The following TBC1D12 variants were observed in gnomAD, a reference collection of about 807,000 sequenced individuals.
TBC1D12 encodes TBC1 domain family member 12, also known as TBC1 domain family, member 12.
In TBC1D12, 56 loss-of-function variants were observed where a neutral mutation model predicts 86.7. The observed-to-expected ratio is 0.65, with a 90% confidence interval of 0.52 to 0.81. The LOEUF (loss-of-function observed/expected upper bound fraction) is 0.81. Among genes scored for constraint, TBC1D12 ranks in the 30% least tolerant of loss-of-function variants. The pLI, the probability that TBC1D12 is intolerant of heterozygous loss-of-function variation, is 0.00. For missense variants in TBC1D12, 1,023 were observed against 1,038.8 expected, an observed-to-expected ratio of 0.98 and a Z score of 0.21; for synonymous variants, 421 against 411.7, an observed-to-expected ratio of 1.02 and a Z score of -0.27.
chr10:94,410,817 A>G (rs947902889), intron 1 of TBC1D12, among the ~76,000 whole-genome samples: 3 of 152,162 alleles, frequency 2.0e-5, no homozygotes, highest in Non-Finnish European at 4.4e-5. Flanking sequence ...TCTGCCATTA[A>G]ATAATTCTGT....
intron 2 of TBC1D12, among the ~76,000 whole-genome samples, chr10:94,458,131 G>C (rs549618297): frequency 8.8e-4 from 134 of 152,208 alleles, no homozygotes; most frequent in African/African-American, 2.5e-3. Context: ...TATTGAGAGA[G>C]GGGGCCTTTA....
intron 2 of TBC1D12, among the ~76,000 whole-genome samples, chr10:94,445,230 G>A (rs570194915): frequency 2.7e-3 from 411 of 151,904 alleles, no homozygotes; most frequent in Non-Finnish European, 4.1e-3. Flanking sequence ...GTGGTAGCAC[G>A]TGCCTGTAGT....
intron 1 of TBC1D12, among the ~76,000 whole-genome samples, chr10:94,412,222 A>G (rs545607641): frequency 2.7e-4 from 41 of 152,348 alleles, no homozygotes; most frequent in African/African-American, 8.9e-4. Context: ...AATATTTTAC[A>G]TTCTTTGTTT....
intron 11 of TBC1D12, among the ~76,000 whole-genome samples, chr10:94,523,876 G>A (rs1004043105): frequency 1.3e-5 from 2 of 152,100 alleles, no homozygotes; most frequent in Non-Finnish European, 2.9e-5. Context: ...GGCTGAGGTG[G>A]GAGGATTGCT....
At chr10:94,527,433 C>T (rs1209478454) in intron 11 of TBC1D12, among the ~76,000 whole-genome samples, 2 of 150,118 alleles carry the variant, frequency 1.3e-5, no homozygotes, top group Admixed American at 1.3e-4. Flanking sequence ...TTAAGTTCCT[C>T]ATAGATTTTG....
chr10:94,502,573 G>A (rs117033379), intron 6 of TBC1D12, among the ~76,000 whole-genome samples: 3,178 of 151,858 alleles, frequency 0.021, 52 homozygotes, highest in South Asian at 0.075. Flanking sequence ...CAGGCAGCCC[G>A]CATGTGGTCA....
At chr10:94,468,985 A>C (rs953951785) in intron 2 of TBC1D12, among the ~76,000 whole-genome samples, 10 of 152,232 alleles carry the variant, frequency 6.6e-5, no homozygotes, top group Admixed American at 6.5e-5. Context: ...TAAACATTGC[A>C]GAAGAAAGTA....
intron 2 of TBC1D12, among the ~76,000 whole-genome samples, chr10:94,472,927 G>T (rs998878198): frequency 1.3e-5 from 2 of 152,196 alleles, no homozygotes; most frequent in Non-Finnish European, 2.9e-5. Flanking sequence ...ATAGTAGATG[G>T]AAGGGAAGAT....
At chr10:94,420,182 C>G (rs2055055122) in intron 1 of TBC1D12, among the ~76,000 whole-genome samples, 1 of 152,070 alleles carries the variant, frequency 6.6e-6, no homozygotes, top group South Asian at 2.1e-4. Context: ...AGAAGAGGCC[C>G]TGGAGAGCTT....
At chr10:94,486,803 T>C (rs2056169326) in intron 3 of TBC1D12, among the ~76,000 whole-genome samples, 1 of 152,192 alleles carries the variant, frequency 6.6e-6, no homozygotes, top group Non-Finnish European at 1.5e-5. Context: ...ATGAAGTATT[T>C]TGTTAATATT....
intron 9 of TBC1D12, among the ~76,000 whole-genome samples, chr10:94,518,750 T>C (rs1374652371): frequency 6.6e-6 from 1 of 152,194 alleles, no homozygotes; most frequent in African/African-American, 2.4e-5. Flanking sequence ...ATAATAAATC[T>C]GAATGAGCTA....
intron 2 of TBC1D12, among the ~76,000 whole-genome samples, chr10:94,459,217 C>G (rs1478898070): frequency 6.6e-6 from 1 of 152,126 alleles, no homozygotes; most frequent in African/African-American, 2.4e-5. Flanking sequence ...AATCCTTTAG[C>G]TAGACACAAA....
At position 94,449,121 on chromosome 10, in the gene TBC1D12, G is replaced by A. The variant is rs533517401; in HGVS notation, c.1095+7102G>A. Among the ~76,000 whole-genome samples, 13 of 151,514 alleles carry A rather than the reference G, an allele frequency of 8.6e-5. No homozygotes were observed. The South Asian group carries it at 2.1e-3, about 24-fold the overall frequency. On this transcript the variant is annotated intron_variant, in intron 2 of 12. Coordinates refer to ENST00000225235, the MANE Select transcript of TBC1D12 (RefSeq NM_015188.2). Reference sequence around the variant, plus strand: ...ATTAAACGGTAGAATTTGAGGGGACGTTTTTTCATTTTATCAGAAACAGAG... The same window carrying A: ...ATTAAACGGTAGAATTTGAGGGGACATTTTTTCATTTTATCAGAAACAGAG...
intron 3 of TBC1D12, among the ~76,000 whole-genome samples, chr10:94,487,802 T>C (rs1025673623): frequency 6.6e-6 from 1 of 150,726 alleles, no homozygotes; most frequent in African/African-American, 2.4e-5. Context: ...GATCAGTTGA[T>C]CCACCCACCT....
chr10:94,478,911 T>C (rs1564967425), intron 3 of TBC1D12, among the ~76,000 whole-genome samples: 1 of 152,066 alleles, frequency 6.6e-6, no homozygotes, highest in Non-Finnish European at 1.5e-5. Context: ...GAGCGGAGAT[T>C]GTGCACTGCA....
chr10:94,522,020 C>T lies in TBC1D12; in HGVS notation c.1827C>T (p.Ile609=), dbSNP rs769861962. ...ILNLEEADAF[I]AFANLLNKPC... is the part of the protein sequence containing the mutation. ...ATTTGGAAGAGGCAGATGCCTTTAT[C>T]GCATTTGCCAATCTCCTGAATAAGC... Residue 609 remains isoleucine, a synonymous_variant, in exon 10 of 13, where the codon ATC becomes ATT. Transcript: ENST00000225235. The T allele has an allele frequency of 1.3e-5, 21 of 1,612,624 alleles. No homozygotes were observed. The highest frequency in any genetic ancestry group is 8.9e-5 in the East Asian group (4 of 44,816).
At chr10:94,494,535 C>G (rs931513321) in intron 4 of TBC1D12, among the ~76,000 whole-genome samples, 2 of 152,012 alleles carry the variant, frequency 1.3e-5, no homozygotes, top group Non-Finnish European at 2.9e-5. Context: ...AAGTATTTAT[C>G]TATTTATTAC....
chr10:94,531,571 A>T, intron 12 of TBC1D12, 111 bp downstream of exon 12: 1 of 1,162,788 alleles, frequency 8.6e-7, no homozygotes, highest in Admixed American at 3.2e-5. Context: ...TTTTAAAAAT[A>T]ATTTTTGACT....
rs1842490399 is a variant in TBC1D12 at position 94,533,904 on chromosome 10, C to T, written c.*808C>T. 6.6e-6 allele frequency: 1 copy of T among 152,158 alleles called. No individual in the cohort carries two copies. Among genetic ancestry groups the T allele is most frequent in the Non-Finnish European group, 1.5e-5 (1 of 68,024 alleles). The allele number at this position is 152,158 out of a possible 1,614,324, so 9.4% of individuals were successfully genotyped here. The stretch of plus-strand genomic sequence containing the variant: ...TTGACTTTGAGAGTAAGTCCAAAAA[C>T]ATATATGATGTTTCTCAGTGATAAG... On this transcript the variant is annotated 3_prime_UTR_variant, in exon 13 of 13. Transcript: ENST00000225235.
Sources: gnomAD v4.1 joint callset for allele counts (sites outside exome capture counted in the v4.1 genomes callset) on GRCh38, gnomAD v4.1.1 for gene constraint, MANE v1.5 for transcripts, NCBI Gene and HGNC (gene_info 2026-07-23, HGNC 2026-07-21) for gene names.